DTNA: variants seen among roughly 807,000 people sequenced by gnomAD.
DTNA encodes the protein dystrobrevin alpha.
DTNA carries 43 observed loss-of-function variants against 100.7 expected under a neutral mutation model. That is an observed-to-expected ratio of 0.43 (90% confidence interval 0.33 to 0.55). The LOEUF is 0.55. Ranked by LOEUF, DTNA falls within the 20% of genes least tolerant of loss-of-function variation. DTNA has a pLI of 0.04. For synonymous variants in DTNA, 349 were observed against 347.9 expected, an observed-to-expected ratio of 1.00 and a Z score of -0.04; for missense variants, 798 against 953.9, an observed-to-expected ratio of 0.84 and a Z score of 2.15.
At chr18:34,498,723 T>G (rs1295880529) in intron 1 of DTNA, among the ~76,000 whole-genome samples, 2 of 152,046 alleles carry the variant, frequency 1.3e-5, no homozygotes, top group Non-Finnish European at 2.9e-5. Context: ...ATCAACATGG[T>G]ACAGAAATCA....
chr18:34,750,813 G>C (rs1419408098), intron 1 of DTNA, among the ~76,000 whole-genome samples: 1 of 152,186 alleles, frequency 6.6e-6, no homozygotes, highest in Non-Finnish European at 1.5e-5. Flanking sequence ...TAATAGTAAT[G>C]TGTATTTATT....
intron 1 of DTNA, among the ~76,000 whole-genome samples, chr18:34,509,227 C>G (rs942335285): frequency 2.0e-5 from 3 of 152,084 alleles, no homozygotes; most frequent in African/African-American, 7.2e-5. Context: ...GCAGATGTTT[C>G]CTCTTACATA....
chr18:34,601,078 C>T (rs925719923), intron 1 of DTNA, among the ~76,000 whole-genome samples: 3 of 151,866 alleles, frequency 2.0e-5, no homozygotes, highest in African/African-American at 7.3e-5. Context: ...TTGCCTAGGG[C>T]AGGAAAGAAT....
At chr18:34,547,210 C>G (rs2145858035) in intron 1 of DTNA, among the ~76,000 whole-genome samples, 1 of 152,094 alleles carries the variant, frequency 6.6e-6, no homozygotes, top group Admixed American at 6.5e-5. Flanking sequence ...CTCTTGCTCA[C>G]CAACAAAAGC....
At chr18:34,602,890 C>A (rs1598914698) in intron 1 of DTNA, among the ~76,000 whole-genome samples, 1 of 151,742 alleles carries the variant, frequency 6.6e-6, no homozygotes, top group East Asian at 1.9e-4. Context: ...GTAATGCTAG[C>A]TACTGAGGAG....
intron 1 of DTNA, among the ~76,000 whole-genome samples, chr18:34,605,124 A>C (rs1320293213): frequency 6.6e-6 from 1 of 152,056 alleles, no homozygotes; most frequent in Non-Finnish European, 1.5e-5. Flanking sequence ...AGCAAAAAAA[A>C]AAAAATCTGG....
intron 1 of DTNA, among the ~76,000 whole-genome samples, chr18:34,745,304 ACT>A (rs932750051): frequency 6.6e-6 from 1 of 151,872 alleles, no homozygotes; most frequent in African/African-American, 2.4e-5. Flanking sequence ...CTGCACTTTC[ACT>A]CTCTTTTCCC....
intron 1 of DTNA, among the ~76,000 whole-genome samples, chr18:34,563,340 T>C (rs1036837444): frequency 2.0e-5 from 3 of 152,228 alleles, no homozygotes; most frequent in Non-Finnish European, 2.9e-5. Context: ...GAGAGAGACA[T>C]GAACAGTTTC....
At chr18:34,702,148 C>T (rs1458497549) in intron 1 of DTNA, among the ~76,000 whole-genome samples, 1 of 152,168 alleles carries the variant, frequency 6.6e-6, no homozygotes, top group East Asian at 1.9e-4. Flanking sequence ...TCACACCAGG[C>T]TTCCTCCTAC....
At chr18:34,529,113 G>A (rs182962473) in intron 1 of DTNA, among the ~76,000 whole-genome samples, 151 of 152,188 alleles carry the variant, frequency 9.9e-4, no homozygotes, top group African/African-American at 3.5e-3. Flanking sequence ...AGGAAAAGAC[G>A]TAAAGGATAT....
intron 1 of DTNA, among the ~76,000 whole-genome samples, chr18:34,587,715 T>A (rs9950796): frequency 0.1 from 15,668 of 152,202 alleles, 1,173 homozygotes; most frequent in African/African-American, 0.21. Flanking sequence ...AAATGAAATC[T>A]TTATTTTCAG....
chr18:34,653,030 A>G (rs571543015), intron 1 of DTNA, among the ~76,000 whole-genome samples: 3 of 152,352 alleles, frequency 2.0e-5, no homozygotes, highest in Admixed American at 2.0e-4. Flanking sequence ...TGAATCTAGT[A>G]TAATTTCTCT....
chr18:34,589,908 A>G (rs573691566), intron 1 of DTNA, among the ~76,000 whole-genome samples: 50 of 152,200 alleles, frequency 3.3e-4, no homozygotes, highest in Middle Eastern at 3.4e-3. Flanking sequence ...AATGTCCTCT[A>G]AGTTTATCCA....
intron 1 of DTNA, among the ~76,000 whole-genome samples, chr18:34,565,090 T>C (rs1032783088): frequency 6.6e-5 from 10 of 152,236 alleles, no homozygotes; most frequent in Non-Finnish European, 1.5e-4. Context: ...AAGTAGGCAT[T>C]TTTAAAAGTC....
At chr18:34,526,283 A>G (rs948943732) in intron 1 of DTNA, among the ~76,000 whole-genome samples, 2 of 152,250 alleles carry the variant, frequency 1.3e-5, no homozygotes, top group African/African-American at 4.8e-5. Flanking sequence ...TGTCCTTACA[A>G]TTTTTAGGCT....
intron 17 of DTNA, among the ~76,000 whole-genome samples, chr18:34,873,891 C>T (rs756345588): frequency 3.3e-5 from 5 of 152,122 alleles, no homozygotes; most frequent in Non-Finnish European, 4.4e-5. Context: ...ACATCACAAC[C>T]GGGCAAAGTT....
At chr18:34,611,663 T>C (rs1370001041) in intron 1 of DTNA, among the ~76,000 whole-genome samples, 1 of 152,062 alleles carries the variant, frequency 6.6e-6, no homozygotes, top group Non-Finnish European at 1.5e-5. Flanking sequence ...AAAACAAAAC[T>C]AAACTAAACC....
At chr18:34,519,798 C>T (rs986363981) in intron 1 of DTNA, among the ~76,000 whole-genome samples, 1 of 152,068 alleles carries the variant, frequency 6.6e-6, no homozygotes, top group African/African-American at 2.4e-5. Flanking sequence ...TTGTAAATCA[C>T]GAAGATAATA....
At chr18:34,813,869 C>G (rs1228910876) in intron 6 of DTNA, among the ~76,000 whole-genome samples, 1 of 149,540 alleles carries the variant, frequency 6.7e-6, no homozygotes, top group East Asian at 2.0e-4. Context: ...AAAAGTCAAT[C>G]ACTTCAAAAC....
Sources: gnomAD v4.1 joint callset for allele counts (sites outside exome capture counted in the v4.1 genomes callset) on GRCh38, gnomAD v4.1.1 for gene constraint, MANE v1.5 for transcripts, NCBI Gene and HGNC (gene_info 2026-07-23, HGNC 2026-07-21) for gene names.